SGSH: variants seen among roughly 807,000 people sequenced by gnomAD.
SGSH encodes heparan sulfate sulfatase.
Under a neutral mutation model 51.0 loss-of-function variants are expected in SGSH, and 48 were observed. The ratio of observed to expected loss-of-function variants is 0.94; its 90% CI spans 0.75 to 1.20. SGSH has a LOEUF of 1.20. Among genes scored for constraint, SGSH ranks in the 50% most tolerant of loss-of-function variants. The pLI, the probability that SGSH is intolerant of heterozygous loss-of-function variation, is 0.00. For missense variants in SGSH, 662 were observed against 717.8 expected, an observed-to-expected ratio of 0.92 and a Z score of 0.89; for synonymous variants, 321 against 313.4, an observed-to-expected ratio of 1.02 and a Z score of -0.26.
chr17:80,211,654 T>G, intron 7 of SGSH: 1 of 316,634 alleles, frequency 3.2e-6, no homozygotes. Flanking sequence ...CAGAGAGGGG[T>G]CCCCAGGCCC....
Position 80,210,239 on chromosome 17 carries a change from T to G in SGSH, c.*213A>C. 7.0e-7 allele frequency: 1 copy of G among 1,419,696 alleles called. No individual in the cohort carries two copies. Among genetic ancestry groups the G allele is most frequent in the Non-Finnish European group, 9.2e-7 (1 of 1,090,362 alleles). The allele number at this position is 1,419,696 out of a possible 1,614,324, so 87.9% of individuals were successfully genotyped here. On this transcript the variant is annotated 3_prime_UTR_variant, in exon 8 of 8. Coordinates refer to ENST00000326317, the MANE Select transcript of SGSH (RefSeq NM_000199.5). ...CCTGCCATGACGGCAGTGCCCCTGG[T>G]GGTGGAGGGGCTGGGCACATGCTCT...
At chr17:80,208,530 G>C, downstream of SGSH, 1 of 531,990 alleles carries the variant, frequency 1.9e-6, no homozygotes, top group South Asian at 3.0e-5. Flanking sequence ...GAAGCCACTT[G>C]TAACTGCACA....
At chr17:80,206,437 G>A (rs1567906038), downstream of SGSH, among the ~76,000 whole-genome samples, 1 of 152,108 alleles carries the variant, frequency 6.6e-6, no homozygotes, top group Non-Finnish European at 1.5e-5. Flanking sequence ...AACACAGTGA[G>A]ACACCCGTCT....
chr17:80,211,127 G>C (rs558462653), intron 7 of SGSH, 116 bp from the exon 8 acceptor site: 14 of 1,533,710 alleles, frequency 9.1e-6, no homozygotes, highest in Non-Finnish European at 1.2e-5. Context: ...AATCAGCAGC[G>C]GGAGGTGCCT....
At chr17:80,201,777 G>T, downstream of SGSH, 2 of 1,614,026 alleles carry the variant, frequency 1.2e-6, no homozygotes, top group Non-Finnish European at 1.7e-6. This position sits in a 1 kb window ranked among gnomAD's most constrained non-coding sequence, Gnocchi z 5.0. Context: ...CTTGTTCAAG[G>T]CAGTCCTGGA....
At chr17:80,204,263 G>A (rs138833596), downstream of SGSH, 300 of 1,598,876 alleles carry the variant, frequency 1.9e-4, no homozygotes, top group Admixed American at 3.4e-4. Flanking sequence ...GGTCCGCATC[G>A]TCAGTATGGA....
intron 1 of SGSH, among the ~76,000 whole-genome samples, chr17:80,218,138 C>A (rs1277681609): frequency 6.6e-6 from 1 of 152,242 alleles, no homozygotes; most frequent in Non-Finnish European, 1.5e-5. Flanking sequence ...CGCATGGCCA[C>A]AGAACTGCTG....
chr17:80,215,195 G>C (rs1240220425), intron 2 of SGSH, 57 bp from the exon 3 acceptor site: 12 of 1,311,294 alleles, frequency 9.2e-6, no homozygotes, highest in Non-Finnish European at 1.3e-5. Context: ...CCCGCCTGCC[G>C]CACCTGTTCT....
intron 1 of SGSH, 134 bp from the exon 2 acceptor site, chr17:80,217,326 C>T (rs913241179): frequency 2.7e-5 from 27 of 1,001,956 alleles, no homozygotes; most frequent in Non-Finnish European, 3.5e-5. Context: ...TCAGTGTGAA[C>T]ACTCAGCGCG....
Position 80,214,266 on chromosome 17 carries a change from T to C in SGSH, c.569A>G (p.Tyr190Cys). 1 of 1,613,276 alleles carries C rather than the reference T, an allele frequency of 6.2e-7. No homozygotes were observed. Among genetic ancestry groups the C allele is most frequent in the Non-Finnish European group, 8.5e-7 (1 of 1,180,008 alleles). ...GCCAAACTTCTCACAGAAGGTTCCG[T>C]ACTGGGGCTGGGAGTGCCCACAGCG... ...PHRCGHSQPQ[Y>C]GTFCEKFGNG... is the part of the protein sequence containing the mutation. Residue 190 changes from tyrosine to cysteine, a missense_variant, in exon 5 of 8, where the codon TAC (tyrosine) becomes TGC (cysteine). Tyr to Cys is a radical substitution (Grantham distance 194). Coordinates refer to ENST00000326317, the MANE Select transcript of SGSH (RefSeq NM_000199.5).
chr17:80,219,202 AG>A (rs1485021438), intron 1 of SGSH, among the ~76,000 whole-genome samples: 1 of 151,506 alleles, frequency 6.6e-6, no homozygotes, highest in Non-Finnish European at 1.5e-5. Context: ...GAAAGGAAAA[AG>A]AAAGGAAAAG....
chr17:80,218,889 A>G (rs2042002390), intron 1 of SGSH, among the ~76,000 whole-genome samples: 1 of 152,120 alleles, frequency 6.6e-6, no homozygotes, highest in South Asian at 2.1e-4. Flanking sequence ...GGCCGGGTGC[A>G]GTGTTTCATG....
chr17:80,210,416 C>T lies in SGSH; in HGVS notation c.*36G>A. 3.2e-6 allele frequency: 5 copies of T among 1,555,608 alleles called. No homozygotes were observed. The highest frequency in any genetic ancestry group is 4.3e-6 in the Non-Finnish European group (5 of 1,155,346). On this transcript the variant is annotated 3_prime_UTR_variant, in exon 8 of 8. Coordinates refer to ENST00000326317, the MANE Select transcript of SGSH (RefSeq NM_000199.5). Reference sequence around the variant, plus strand: ...GGACACGTGTGGGATGTGTCTGGGACATGCCTGGGATGTGTGCACAGGCCT... The same window carrying T: ...GGACACGTGTGGGATGTGTCTGGGATATGCCTGGGATGTGTGCACAGGCCT...
At chr17:80,214,856 T>C (rs2041828572) in intron 3 of SGSH, 91 bp from the exon 4 acceptor site, 1 of 1,478,846 alleles carries the variant, frequency 6.8e-7, no homozygotes, top group Admixed American at 1.7e-5. Flanking sequence ...AAGCGCACTG[T>C]GGGTTCTCGT....
rs755821900 is a variant in SGSH, at chr17:80,213,579, C to T, written c.745+225G>A. On this transcript the variant is annotated intron_variant, in intron 6 of 7. Transcript: ENST00000326317. This position sits in a 1 kb window ranked among gnomAD's most constrained non-coding sequence, Gnocchi z 4.6. ...GTCTTCACGCAACCTCTGGGGCACC[C>T]GAAGGCCCCAGCCCAGGAGCAGGTC... The T allele has an allele frequency of 1.5e-5, 9 of 590,056 alleles. No homozygotes were observed. Among genetic ancestry groups the T allele is most frequent in the South Asian group, 8.1e-5 (4 of 49,256 alleles). 36.6% of individuals were successfully genotyped at this position (590,056 alleles called of 1,614,324 possible). A position where few individuals can be genotyped will look rare whatever the true frequency, so the allele number is the denominator to read the frequency against.
At position 80,218,902 on chromosome 17, in the gene SGSH, C is replaced by A. The variant is rs532472321; in HGVS notation, c.88+1324G>T. ...AGGGCCGGGTGCAGTGTTTCATGCC[C>A]GTAAGCCCAGCACCCGGGAGGCCAA... On this transcript the variant is annotated intron_variant, in intron 1 of 7. Transcript: ENST00000326317. 2.0e-5 allele frequency among the ~76,000 whole-genome samples: 3 copies of A among 152,136 alleles called. No homozygotes were observed. The South Asian group carries it at 6.2e-4, about 32-fold the overall frequency.
In SGSH at chr17:80,210,143, C is replaced by A. The variant is rs566654466; in HGVS notation, c.*309G>T. 3 of 1,289,556 alleles carry A rather than the reference C, an allele frequency of 2.3e-6. No homozygotes were observed. Among genetic ancestry groups the A allele is most frequent in the Middle Eastern group, 3.0e-4 (1 of 3,338 alleles). The allele number at this position is 1,289,556 out of a possible 1,614,324, so 79.9% of individuals were successfully genotyped here. On this transcript the variant is annotated 3_prime_UTR_variant, in exon 8 of 8. Transcript: ENST00000326317. ...CTTGTCATGGGCTGGGGGCGCTGCC[C>A]TGTCCGCAGACCACGTATGTCTAGA...
Position 80,213,776 on chromosome 17 carries a change from C to T in SGSH, c.745+28G>A. 1.9e-6 allele frequency: 3 copies of T among 1,574,880 alleles called. No homozygotes were observed. Among genetic ancestry groups the T allele is most frequent in the Non-Finnish European group, 2.6e-6 (3 of 1,163,582 alleles). ...ATGGGGGACCCCGGCCGTGGCACCC[C>T]CTCCAGTGCCCGGTTCTGCAAGCCC... On this transcript the variant is annotated intron_variant, in intron 6 of 7. Coordinates refer to ENST00000326317, the MANE Select transcript of SGSH (RefSeq NM_000199.5). This position sits in a 1 kb window ranked among gnomAD's most constrained non-coding sequence, Gnocchi z 4.6.
At chr17:80,208,576 T>G (rs9890208), downstream of SGSH, 23,260 of 485,938 alleles carry the variant, frequency 0.048, 733 homozygotes, top group African/African-American at 0.098. Context: ...TTTACCAGGC[T>G]TGGCATGGTC....
Sources: gnomAD v4.1 joint callset for allele counts (sites outside exome capture counted in the v4.1 genomes callset) on GRCh38, gnomAD v4.1.1 for gene constraint, Gnocchi (gnomAD v3.1) non-coding constraint, MANE v1.5 for transcripts, NCBI Gene and HGNC (gene_info 2026-07-23, HGNC 2026-07-21) for gene names.